PLCH2: variants seen among roughly 807,000 people sequenced by gnomAD.
PLCH2 encodes 1-phosphatidylinositol 4,5-bisphosphate phosphodiesterase eta-2.
A neutral mutation model predicts 134.7 loss-of-function variants in PLCH2; 98 were observed. That is an observed-to-expected ratio of 0.73 (90% CI 0.62 to 0.86). The LOEUF (loss-of-function observed/expected upper bound fraction) is 0.86, where lower values mean the gene tolerates loss of function less well. Ranked by LOEUF, PLCH2 falls within the 40% of genes least tolerant of loss-of-function variation. PLCH2 has a pLI of 0.00. For synonymous variants in PLCH2, 974 were observed against 827.5 expected (o/e 1.18, Z -3.04); for missense variants, 1,994 against 1,986.6 (o/e 1.00, Z -0.07).
In PLCH2 at chr1:2,439,112, G is replaced by T. The variant is rs930807035; in HGVS notation, c.115+8483G>T. The stretch of plus-strand genomic sequence containing the variant: ...CTTGCCAATGAGAAACTGTTTCAAG[G>T]CAGGATACCATGTCTCTGGGGACCC... On this transcript the variant is annotated intron_variant, in intron 2 of 3. Coordinates refer to the PLCH2 transcript ENST00000609981. This position sits in a 1 kb window ranked among gnomAD's most constrained non-coding sequence, Gnocchi z 4.7. Among the ~76,000 whole-genome samples the T allele has an allele frequency of 6.6e-6, 1 of 152,232 alleles. No homozygotes were observed. The highest frequency in any genetic ancestry group is 2.4e-5 in the African/African-American group (1 of 41,464).
rs1643389086 is a variant in PLCH2, at chr1:2,504,038, T to A, written c.3076T>A (p.Ser1026Thr). ...GCCACCAGCGGCTGTCCCCACCAGC[T>A]CTTCTCAGGGACGGCCCCCATACCC... is the stretch of plus-strand genomic sequence containing the variant. Reference protein sequence around the residue: ...PPPPAAVPTSSSQGRPPYPTG... With the variant: ...PPPPAAVPTSTSQGRPPYPTG... Residue 1026 changes from serine (S) to threonine (T), a missense_variant, in exon 22 of 22, where the codon TCT (serine) becomes ACT (threonine). Physicochemically the swap from Ser to Thr is moderately conservative, Grantham distance 58. This residue lies in a region of PLCH2 where 900 missense variants were observed against 752.3 expected (regional missense o/e 1.20). Coordinates refer to ENST00000378486, the MANE Select transcript of PLCH2 (RefSeq NM_014638.4). The A allele has an allele frequency of 5.8e-6, 9 of 1,541,066 alleles. No individual in the cohort carries two copies. Among genetic ancestry groups the A allele is most frequent in the Non-Finnish European group, 7.9e-6 (9 of 1,141,500 alleles).
At position 2,505,406 on chromosome 1, in the gene PLCH2, G is replaced by A; in HGVS notation, c.*193G>A. 1 of 572,906 alleles carries A rather than the reference G, an allele frequency of 1.7e-6. No individual in the cohort carries two copies. Among genetic ancestry groups the A allele is most frequent in the East Asian group, 3.1e-5 (1 of 32,704 alleles). The allele number at this position is 572,906 out of a possible 1,614,324, so 35.5% of individuals were successfully genotyped here. A position where few individuals can be genotyped will look rare whatever the true frequency, so the allele number is the denominator to read the frequency against. On this transcript the variant is annotated 3_prime_UTR_variant, in exon 22 of 22. Transcript: ENST00000378486. ...TAAAGCTGCTGGCCCGGGGCCCACA[G>A]GAGGGGCTTCGAGGCTGGCCCTGCC...
intron 13 of PLCH2, among the ~76,000 whole-genome samples, chr1:2,496,087 C>T (rs998118828): frequency 1.5e-4 from 23 of 152,140 alleles, no homozygotes; most frequent in African/African-American, 3.4e-4. Flanking sequence ...CTCCTATTGC[C>T]GTCTCCCCTC....
At chr1:2,447,710 G>A (rs1640005551) in intron 2 of PLCH2, among the ~76,000 whole-genome samples, 1 of 152,220 alleles carries the variant, frequency 6.6e-6, no homozygotes, top group Admixed American at 6.5e-5. Flanking sequence ...TGGAGCTTCA[G>A]CGGTGGTAAC....
At chr1:2,457,389 C>T (rs186797960) in intron 2 of PLCH2, among the ~76,000 whole-genome samples, 261 of 152,270 alleles carry the variant, frequency 1.7e-3, no homozygotes, top group African/African-American at 5.8e-3. Flanking sequence ...CCAGTGGCCT[C>T]GTGGCCGTGA....
chr1:2,446,585 G>A (rs1269616081), intron 2 of PLCH2, among the ~76,000 whole-genome samples: 1 of 152,234 alleles, frequency 6.6e-6, no homozygotes, highest in Non-Finnish European at 1.5e-5. Context: ...GCAGAGGGAG[G>A]AAGGGCTCCT....
chr1:2,420,309 C>T, the PLCH2 span, among the ~76,000 whole-genome samples: 1 of 152,192 alleles, frequency 6.6e-6, no homozygotes, highest in African/African-American at 2.4e-5. Context: ...AGCCCCCTGC[C>T]CTGTGATTTC....
chr1:2,503,717 AC>A (rs903794421), intron 21 of PLCH2: 53 of 626,134 alleles, frequency 8.5e-5, no homozygotes, highest in Admixed American at 3.5e-4. Flanking sequence ...CAGGGCGTGG[AC>A]TGGGCCCCAG....
At chr1:2,493,444 A>T (rs928696121) in intron 11 of PLCH2, 7 of 152,226 alleles carry the variant, frequency 4.6e-5, no homozygotes, top group African/African-American at 1.7e-4. Context: ...GGAGGTGGAG[A>T]GAGACGAGCA....
upstream of PLCH2, among the ~76,000 whole-genome samples, chr1:2,472,422 G>T (rs1641368845): frequency 6.6e-6 from 1 of 152,228 alleles, no homozygotes; most frequent in African/African-American, 2.4e-5. Flanking sequence ...CACGGGAGGG[G>T]GATGCTGGGG....
At chr1:2,465,792 T>C (rs1245359753), upstream of PLCH2, among the ~76,000 whole-genome samples, 5 of 152,062 alleles carry the variant, frequency 3.3e-5, no homozygotes, top group Non-Finnish European at 7.4e-5. Context: ...GAGGATGGAT[T>C]ATTCCTTAGA....
Position 2,444,158 on chromosome 1 carries a change from G to T in PLCH2, c.115+13529G>T, listed in dbSNP as rs1033764258. On this transcript the variant is annotated intron_variant, in intron 2 of 3. Transcript: ENST00000609981. The surrounding 1 kb of genome is among the most constrained non-coding windows in gnomAD (Gnocchi z 4.6). ...GGACTGTGGGCGGGACGGGCGGAGC[G>T]GTCTTGAGCTCTCCGGATGGCCTCA... Among the ~76,000 whole-genome samples, 1 of 152,220 alleles carries T rather than the reference G, an allele frequency of 6.6e-6. No individual in the cohort carries two copies. Among genetic ancestry groups the T allele is most frequent in the African/African-American group, 2.4e-5 (1 of 41,456 alleles).
At chr1:2,425,000 C>CA (rs1638710173), upstream of PLCH2, among the ~76,000 whole-genome samples, 1 of 151,478 alleles carries the variant, frequency 6.6e-6, no homozygotes, top group Non-Finnish European at 1.5e-5. Context: ...AAACAAAAAA[C>CA]AAAAAACACA....
chr1:2,488,909 T>C (rs1450763540), intron 8 of PLCH2, among the ~76,000 whole-genome samples: 3 of 152,264 alleles, frequency 2.0e-5, no homozygotes, highest in African/African-American at 7.2e-5. Flanking sequence ...ACGTTCCTTT[T>C]GTTTTCCTGG....
intron 1 of PLCH2, among the ~76,000 whole-genome samples, 155 bp from the exon 2 acceptor site, chr1:2,478,321 G>A (rs1234391472): frequency 6.6e-6 from 1 of 152,220 alleles, no homozygotes; most frequent in Non-Finnish European, 1.5e-5. Flanking sequence ...TGGCAGGGCG[G>A]TGTGGGCGGG....
In PLCH2 at chr1:2,471,050, G is replaced by A. The variant is rs556938472; in HGVS notation, c.43+3388G>A. Among the ~76,000 whole-genome samples the A allele has an allele frequency of 2.7e-5, 4 of 147,730 alleles. No homozygotes were observed. The East Asian group carries it at 8.7e-4, about 32-fold the overall frequency. ...GCCTCCAGGGACACACAATGGGGGG[G>A]GCACTCGCGGTGGGGGGAGGAAGCT... On this transcript the variant is annotated intron_variant, in intron 1 of 21. Transcript: ENST00000449969.
chr1:2,484,882 T>G (rs1642208333), intron 5 of PLCH2, among the ~76,000 whole-genome samples: 1 of 152,140 alleles, frequency 6.6e-6, no homozygotes, highest in Non-Finnish European at 1.5e-5. Context: ...GCCAAGCAGG[T>G]AGGGAAAGTT....
At chr1:2,454,041 C>T (rs980665424) in intron 2 of PLCH2, among the ~76,000 whole-genome samples, 5 of 152,248 alleles carry the variant, frequency 3.3e-5, no homozygotes, top group Middle Eastern at 6.8e-3. Context: ...CCGGGGGTGC[C>T]GCAAGCCACC....
chr1:2,484,341 G>A, intron 4 of PLCH2, 107 bp from the exon 5 acceptor site: 2 of 1,057,410 alleles, frequency 1.9e-6, no homozygotes, highest in Non-Finnish European at 2.8e-6. Context: ...AGAGGAGGGT[G>A]GGCTTGCATG....
Sources: allele counts gnomAD v4.1 joint callset (sites outside exome capture counted in the v4.1 genomes callset), GRCh38; gene constraint gnomAD v4.1.1; regional missense constraint gnomAD v4.1.1; non-coding constraint Gnocchi (gnomAD v3.1); transcripts MANE v1.5; gene names NCBI Gene and HGNC (gene_info 2026-07-23, HGNC 2026-07-21).